The following GPC5 variants were observed in gnomAD, a reference collection of about 807,000 sequenced individuals.
GPC5 encodes glypican 5.
GPC5 carries 47 observed loss-of-function variants against 53.9 expected under a neutral mutation model. The ratio of observed to expected loss-of-function variants is 0.87; its 90% confidence interval spans 0.69 to 1.11. GPC5 has a LOEUF of 1.11. Ranked by LOEUF, GPC5 falls within the 50% of genes most tolerant of loss-of-function variation. The pLI is 0.00. For synonymous variants in GPC5, 286 were observed against 263.3 expected, an observed-to-expected ratio of 1.09 and a Z score of -0.84; for missense variants, 748 against 713.1, an observed-to-expected ratio of 1.05 and a Z score of -0.56.
intron 6 of GPC5, among the ~76,000 whole-genome samples, chr13:91,917,737 C>T (rs1040971113): frequency 6.6e-6 from 1 of 152,198 alleles, no homozygotes; most frequent in Non-Finnish European, 1.5e-5. Context: ...CACCTTTACT[C>T]CAGTTCCCAA....
intron 7 of GPC5, among the ~76,000 whole-genome samples, chr13:92,152,607 C>T (rs373866240): frequency 2.0e-5 from 3 of 152,080 alleles, no homozygotes; most frequent in Non-Finnish European, 2.9e-5. Flanking sequence ...GGTGTCGTGG[C>T]GGGCGCCTGT....
At chr13:91,907,499 C>T (rs201611577) in intron 5 of GPC5, among the ~76,000 whole-genome samples, 50 of 71,028 alleles carry the variant, frequency 7.0e-4, no homozygotes, top group South Asian at 2.8e-3. Context: ...CTCTCTCTCT[C>T]TCTTTATATA....
intron 7 of GPC5, among the ~76,000 whole-genome samples, chr13:92,559,084 C>A (rs1164013315): frequency 1.3e-5 from 2 of 151,876 alleles, no homozygotes; most frequent in Non-Finnish European, 2.9e-5. Flanking sequence ...AGACCAATGC[C>A]CACCCTTGGT....
At chr13:92,412,595 T>C (rs1046510434) in intron 7 of GPC5, among the ~76,000 whole-genome samples, 2 of 152,208 alleles carry the variant, frequency 1.3e-5, no homozygotes, top group African/African-American at 2.4e-5. Flanking sequence ...TAAATTTTTA[T>C]TGAAACATAG....
At chr13:91,683,130 C>T (rs2139745983) in intron 2 of GPC5, among the ~76,000 whole-genome samples, 1 of 151,974 alleles carries the variant, frequency 6.6e-6, no homozygotes, top group East Asian at 1.9e-4. Context: ...CTAATAATCA[C>T]ATGAATCTTT....
At chr13:92,109,068 T>TG (rs1352705617) in intron 6 of GPC5, among the ~76,000 whole-genome samples, 1 of 144,082 alleles carries the variant, frequency 6.9e-6, no homozygotes, top group Non-Finnish European at 1.5e-5. Context: ...TTGGTTTTTT[T>TG]TTTTTTTTTT....
At chr13:91,650,536 GA>G (rs1216108963) in intron 2 of GPC5, among the ~76,000 whole-genome samples, 2 of 134,522 alleles carry the variant, frequency 1.5e-5, no homozygotes, top group Non-Finnish European at 2.9e-5. Flanking sequence ...AAAACAAAAT[GA>G]AAACAAAACA....
At chr13:92,452,768 C>T (rs1594214065) in intron 7 of GPC5, among the ~76,000 whole-genome samples, 1 of 152,094 alleles carries the variant, frequency 6.6e-6, no homozygotes, top group East Asian at 1.9e-4. Flanking sequence ...GGGGTTTCAC[C>T]GTGTTGCCCA....
At chr13:92,349,460 T>C (rs1006625383) in intron 7 of GPC5, among the ~76,000 whole-genome samples, 1 of 151,500 alleles carries the variant, frequency 6.6e-6, no homozygotes, top group Non-Finnish European at 1.5e-5. Flanking sequence ...TTTCTTTTTT[T>C]TTTTTTTAAT....
chr13:91,419,006 G>A (rs1274818943), intron 1 of GPC5, among the ~76,000 whole-genome samples: 1 of 151,986 alleles, frequency 6.6e-6, no homozygotes. Flanking sequence ...TAATTTGAAT[G>A]ACCTTAATTA....
chr13:92,188,406 T>A (rs558352814), intron 7 of GPC5, among the ~76,000 whole-genome samples: 41 of 152,192 alleles, frequency 2.7e-4, no homozygotes, highest in African/African-American at 9.6e-4. Context: ...GGAGTAAAAA[T>A]TGCATCTTAC....
rs180982747 is a variant in GPC5 at position 91,874,220 on chromosome 13, G to A, written c.1281-33717G>A. 8.8e-4 allele frequency among the ~76,000 whole-genome samples: 134 copies of A among 152,214 alleles called. 1 individual carries two copies. Among genetic ancestry groups the A allele is most frequent in the Middle Eastern group, 3.4e-3 (1 of 294 alleles). ...ATGAAGCCCTCTTTCACTCTCAGTA[G>A]TGCCCTTGTGTGGACGATTAATTTT... On this transcript the variant is annotated intron_variant, in intron 5 of 7. Transcript: ENST00000377067.
intron 2 of GPC5, among the ~76,000 whole-genome samples, chr13:91,559,920 T>C (rs2031168052): frequency 6.6e-6 from 1 of 152,122 alleles, no homozygotes; most frequent in Admixed American, 6.6e-5. Context: ...GTGCAAGACT[T>C]TGCTATTACA....
intron 2 of GPC5, among the ~76,000 whole-genome samples, chr13:91,640,513 C>A (rs1301491717): frequency 6.6e-6 from 1 of 152,192 alleles, no homozygotes; most frequent in African/African-American, 2.4e-5. Context: ...AATAGGAATA[C>A]TTTCACACTG....
chr13:92,662,816 G>A (rs1448896361), intron 7 of GPC5, among the ~76,000 whole-genome samples: 1 of 152,164 alleles, frequency 6.6e-6, no homozygotes, highest in Non-Finnish European at 1.5e-5. Flanking sequence ...GGCTAAAGCT[G>A]TTCTCCTTGG....
chr13:91,966,021 C>A (rs1371808932), intron 6 of GPC5, among the ~76,000 whole-genome samples: 3 of 152,074 alleles, frequency 2.0e-5, no homozygotes, highest in South Asian at 2.1e-4. Context: ...TTACTAGAAA[C>A]CAGCAATTTT....
intron 6 of GPC5, among the ~76,000 whole-genome samples, chr13:92,091,269 A>G (rs1026325238): frequency 6.6e-6 from 1 of 152,134 alleles, no homozygotes; most frequent in Non-Finnish European, 1.5e-5. Context: ...TTAAGTGATA[A>G]TTTTCTCATT....
intron 7 of GPC5, among the ~76,000 whole-genome samples, chr13:92,391,256 A>G (rs959036533): frequency 1.2e-4 from 19 of 152,152 alleles, no homozygotes; most frequent in Admixed American, 3.9e-4. Flanking sequence ...GCAACTATAA[A>G]TACTAATTTC....
In GPC5 at chr13:91,924,566, A is replaced by C. The variant is rs1223807601; in HGVS notation, c.1401+16509A>C. Among the ~76,000 whole-genome samples, 4 of 151,914 alleles carry C rather than the reference A, an allele frequency of 2.6e-5. No individual in the cohort carries two copies. The East Asian group carries it at 7.8e-4, about 30-fold the overall frequency. On this transcript the variant is annotated intron_variant, in intron 6 of 7. Transcript: ENST00000377067. ...ATGGTGAAAACCCATCTCTACAAAA[A>C]TAAAAATAAAAAAAAAAGTAAAGCA...
Sources: gnomAD v4.1 joint callset for allele counts (sites outside exome capture counted in the v4.1 genomes callset) on GRCh38, gnomAD v4.1.1 for gene constraint, MANE v1.5 for transcripts, NCBI Gene and HGNC (gene_info 2026-07-23, HGNC 2026-07-21) for gene names.